ZBTB20: variants seen among roughly 807,000 people sequenced by gnomAD.
ZBTB20 encodes zinc finger and BTB domain-containing protein 20.
ZBTB20 carries 9 observed loss-of-function variants against 56.9 expected under a neutral mutation model. The ratio of observed to expected loss-of-function variants is 0.16; its 90% CI spans 0.10 to 0.28. The LOEUF (loss-of-function observed/expected upper bound fraction) is 0.28, where lower values mean the gene tolerates loss of function less well. ZBTB20 is among the 10% of genes least tolerant of loss of function. The pLI, the probability that ZBTB20 is intolerant of heterozygous loss-of-function variation, is 1.00. For synonymous variants in ZBTB20, 417 were observed against 420.7 expected, an observed-to-expected ratio of 0.99 and a Z score of 0.11; for missense variants, 655 against 1,003.0, an observed-to-expected ratio of 0.65 and a Z score of 4.69.
At chr3:114,526,922 T>C (rs950251326) in intron 6 of ZBTB20, among the ~76,000 whole-genome samples, 3 of 152,070 alleles carry the variant, frequency 2.0e-5, no homozygotes, top group African/African-American at 7.2e-5. Flanking sequence ...AGCTCCCCCT[T>C]CTCCCCTCCT....
chr3:115,129,110 G>T (rs1358701382), intron 1 of ZBTB20, among the ~76,000 whole-genome samples: 1 of 151,672 alleles, frequency 6.6e-6, no homozygotes, highest in Non-Finnish European at 1.5e-5. Flanking sequence ...AAAAAAAAAA[G>T]ATCTCTCTTT....
intron 1 of ZBTB20, among the ~76,000 whole-genome samples, chr3:115,138,860 C>A (rs775991690): frequency 2.0e-5 from 3 of 151,912 alleles, no homozygotes; most frequent in Non-Finnish European, 2.9e-5. Flanking sequence ...ACTGTGCTTC[C>A]CACTAATAAT....
chr3:114,584,275 T>A (rs2054947604), intron 6 of ZBTB20, among the ~76,000 whole-genome samples: 1 of 152,104 alleles, frequency 6.6e-6, no homozygotes, highest in Non-Finnish European at 1.5e-5. Context: ...AAAAGAGAGC[T>A]CCCACAGAAA....
chr3:114,750,748 T>C (rs1161052091), intron 5 of ZBTB20, among the ~76,000 whole-genome samples: 2 of 152,206 alleles, frequency 1.3e-5, no homozygotes, highest in Non-Finnish European at 2.9e-5. Context: ...TTTCCATATG[T>C]AGCTACCACT....
intron 5 of ZBTB20, among the ~76,000 whole-genome samples, chr3:114,747,312 T>A (rs2067115098): frequency 6.6e-6 from 1 of 152,202 alleles, no homozygotes. Flanking sequence ...ATGCCTGTAG[T>A]CCCAGCACTT....
chr3:115,054,506 T>C (rs1220027687), intron 2 of ZBTB20, among the ~76,000 whole-genome samples: 1 of 152,130 alleles, frequency 6.6e-6, no homozygotes, highest in Non-Finnish European at 1.5e-5. Flanking sequence ...CAAACTCAAA[T>C]CTTTTCCCCG....
intron 1 of ZBTB20, among the ~76,000 whole-genome samples, chr3:115,131,195 T>A (rs1172360258): frequency 2.0e-5 from 3 of 152,226 alleles, no homozygotes; most frequent in Non-Finnish European, 4.4e-5. Flanking sequence ...TCCTTTCATA[T>A]TTCCTCTCAT....
chr3:114,721,146 A>T (rs1359878710), intron 5 of ZBTB20, among the ~76,000 whole-genome samples: 2 of 152,210 alleles, frequency 1.3e-5, no homozygotes, highest in Non-Finnish European at 2.9e-5. Flanking sequence ...GTGGAATGCG[A>T]AACGGGGTCC....
chr3:114,745,348 A>C (rs138360855), intron 5 of ZBTB20, among the ~76,000 whole-genome samples: 6 of 152,228 alleles, frequency 3.9e-5, no homozygotes, highest in Admixed American at 2.0e-4. Context: ...CATTCATTAG[A>C]TATGCTAAAT....
intron 6 of ZBTB20, among the ~76,000 whole-genome samples, chr3:114,523,027 A>C (rs1426381522): frequency 6.6e-6 from 1 of 152,172 alleles, no homozygotes; most frequent in Non-Finnish European, 1.5e-5. Flanking sequence ...AGAGCTTCAA[A>C]GATTGAGCTC....
At chr3:114,550,037 A>G (rs1274732183) in intron 6 of ZBTB20, among the ~76,000 whole-genome samples, 2 of 152,094 alleles carry the variant, frequency 1.3e-5, no homozygotes, top group Admixed American at 1.3e-4. Context: ...TCCTGGGTTC[A>G]TGCCATTCTC....
At chr3:114,689,987 G>C (rs1057291199) in intron 6 of ZBTB20, among the ~76,000 whole-genome samples, 10 of 151,940 alleles carry the variant, frequency 6.6e-5, no homozygotes, top group Non-Finnish European at 7.4e-5. Flanking sequence ...AAAATAATCA[G>C]AAGATTCAGA....
In ZBTB20 at chr3:114,937,489, T is replaced by G. The variant is rs568561321; in HGVS notation, c.-456+36877A>C. Among the ~76,000 whole-genome samples the G allele has an allele frequency of 5.3e-5, 8 of 151,914 alleles. No homozygotes were observed. The South Asian group carries it at 1.7e-3, about 32-fold the overall frequency. ...CATGCTGGAGTGCCGGGGCGCAATC[T>G]CGGCTCACTGCAACCTCCGGCTCCC... On this transcript the variant is annotated intron_variant, in intron 3 of 11. Transcript: ENST00000675478.
intron 3 of ZBTB20, among the ~76,000 whole-genome samples, chr3:114,952,206 C>A (rs2077091042): frequency 6.6e-6 from 1 of 151,950 alleles, no homozygotes; most frequent in Admixed American, 6.6e-5. Flanking sequence ...AGTATCAGGA[C>A]CTTTAAGAGG....
intron 6 of ZBTB20, among the ~76,000 whole-genome samples, chr3:114,514,401 A>G (rs1241429874): frequency 6.6e-6 from 1 of 152,182 alleles, no homozygotes; most frequent in Non-Finnish European, 1.5e-5. Flanking sequence ...AGTGCATAAC[A>G]TGGTTGGTTA....
intron 5 of ZBTB20, among the ~76,000 whole-genome samples, chr3:114,704,839 T>A (rs1346542758): frequency 6.6e-6 from 1 of 152,172 alleles, no homozygotes; most frequent in Non-Finnish European, 1.5e-5. Flanking sequence ...TCTACTACTA[T>A]GCTGAATTGA....
intron 2 of ZBTB20, among the ~76,000 whole-genome samples, chr3:115,034,048 C>G (rs1294244039): frequency 1.3e-5 from 2 of 151,666 alleles, no homozygotes; most frequent in African/African-American, 4.8e-5. Context: ...ATCTGACATC[C>G]TTTTATAATA....
intron 5 of ZBTB20, among the ~76,000 whole-genome samples, chr3:114,794,595 T>C (rs1315715267): frequency 6.6e-6 from 1 of 152,152 alleles, no homozygotes; most frequent in East Asian, 1.9e-4. Flanking sequence ...TACTGAGCTA[T>C]AGCAGATAAA....
chr3:114,348,095 A>C (rs1031618410), intron 11 of ZBTB20, among the ~76,000 whole-genome samples: 1 of 152,238 alleles, frequency 6.6e-6, no homozygotes, highest in East Asian at 1.9e-4. Context: ...TTGGTAGTAC[A>C]TTGAAAATTT....
Sources: allele counts gnomAD v4.1 joint callset (sites outside exome capture counted in the v4.1 genomes callset), GRCh38; gene constraint gnomAD v4.1.1; transcripts MANE v1.5; gene names NCBI Gene and HGNC (gene_info 2026-07-23, HGNC 2026-07-21).